CSMD3: variants seen among roughly 807,000 people sequenced by gnomAD.
The protein encoded by CSMD3 is CUB and sushi domain-containing protein 3.
CSMD3 carries 177 observed loss-of-function variants against 435.2 expected under a neutral mutation model. The observed-to-expected ratio is 0.41, with a 90% CI of 0.36 to 0.46. CSMD3 has a LOEUF of 0.46. Among genes scored for constraint, CSMD3 ranks in the 20% least tolerant of loss-of-function variants. The pLI, the probability that CSMD3 is intolerant of heterozygous loss-of-function variation, is 0.34. For synonymous variants in CSMD3, 1,656 were observed against 1,520.5 expected, an observed-to-expected ratio of 1.09 and a Z score of -2.07; for missense variants, 4,265 against 4,504.6, an observed-to-expected ratio of 0.95 and a Z score of 1.52.
chr8:112,690,449 C>T lies in CSMD3; in HGVS notation c.1973-399G>A, dbSNP rs139372868. Among the ~76,000 whole-genome samples, 85 of 152,036 alleles carry T rather than the reference C, an allele frequency of 5.6e-4. 1 individual carries two copies. Among genetic ancestry groups the T allele is most frequent in the Middle Eastern group, 6.8e-3 (2 of 294 alleles). The stretch of plus-strand genomic sequence containing the variant: ...TTATTCTTGTCATTTCTACAGGATA[C>T]GGTAAATCCCTGAATCATGACCAGG... On this transcript the variant is annotated intron_variant, in intron 13 of 70. Transcript: ENST00000297405.
intron 5 of CSMD3, among the ~76,000 whole-genome samples, chr8:113,094,606 T>C (rs2090106417): frequency 6.6e-6 from 1 of 152,216 alleles, no homozygotes; most frequent in Non-Finnish European, 1.5e-5. Context: ...TATCAAATCA[T>C]GTATTTGTAT....
chr8:113,262,328 A>C (rs1005501545), intron 3 of CSMD3, among the ~76,000 whole-genome samples: 1 of 152,090 alleles, frequency 6.6e-6, no homozygotes, highest in African/African-American at 2.4e-5. Flanking sequence ...TTAATTATAA[A>C]ATGCATCTTT....
chr8:112,296,098 T>C (rs958861996), intron 53 of CSMD3, 92 bp from the exon 54 acceptor site: 20 of 1,027,540 alleles, frequency 1.9e-5, no homozygotes, highest in African/African-American at 7.9e-5. Context: ...ACCTTTAAAG[T>C]TGTCTTAAAA....
intron 45 of CSMD3, among the ~76,000 whole-genome samples, chr8:112,321,363 T>C (rs1210696835): frequency 6.6e-6 from 1 of 152,074 alleles, no homozygotes; most frequent in Non-Finnish European, 1.5e-5. Flanking sequence ...AAAAGTATTA[T>C]GGGAGTATTG....
intron 32 of CSMD3, among the ~76,000 whole-genome samples, chr8:112,425,838 A>G (rs1813010916): frequency 2.0e-5 from 3 of 152,210 alleles, no homozygotes; most frequent in African/African-American, 4.8e-5. Context: ...AAAAATCTCA[A>G]AATAAGAAAA....
chr8:112,299,643 C>A (rs549820273), intron 53 of CSMD3, among the ~76,000 whole-genome samples: 1 of 152,114 alleles, frequency 6.6e-6, no homozygotes, highest in South Asian at 2.1e-4. Context: ...AATAAATGCA[C>A]CATACTTAGA....
intron 38 of CSMD3, among the ~76,000 whole-genome samples, chr8:112,369,676 C>T (rs1828131223): frequency 6.6e-6 from 1 of 151,894 alleles, no homozygotes; most frequent in South Asian, 2.1e-4. Context: ...AACACATGGA[C>T]ACAGGGAGGG....
chr8:112,477,870 G>A (rs1819222031), intron 31 of CSMD3, among the ~76,000 whole-genome samples: 2 of 152,116 alleles, frequency 1.3e-5, no homozygotes, highest in African/African-American at 2.4e-5. Flanking sequence ...AGCTGATATG[G>A]TTTGGCTGTG....
chr8:113,180,047 T>A (rs751279228), intron 3 of CSMD3, among the ~76,000 whole-genome samples: 1 of 151,950 alleles, frequency 6.6e-6, no homozygotes, highest in Admixed American at 6.6e-5. Flanking sequence ...AGATGAAGCA[T>A]GATCCTGCTG....
chr8:112,400,354 G>T (rs1053203469), intron 35 of CSMD3, among the ~76,000 whole-genome samples: 1 of 152,008 alleles, frequency 6.6e-6, no homozygotes, highest in Non-Finnish European at 1.5e-5. Flanking sequence ...TCTCCTAATG[G>T]CCCCACCTCC....
intron 27 of CSMD3, among the ~76,000 whole-genome samples, chr8:112,531,501 A>G (rs1299561375): frequency 1.3e-5 from 2 of 152,078 alleles, no homozygotes; most frequent in Non-Finnish European, 2.9e-5. Flanking sequence ...CAGGCAGCTG[A>G]GTATGAAGAG....
intron 4 of CSMD3, among the ~76,000 whole-genome samples, chr8:113,105,525 T>C (rs1284646465): frequency 6.6e-6 from 1 of 152,084 alleles, no homozygotes. Flanking sequence ...ATGCATGCAA[T>C]TGGATGAAAT....
intron 21 of CSMD3, 98 bp from the exon 22 acceptor site, chr8:112,637,103 C>T: frequency 1.1e-6 from 1 of 944,512 alleles, no homozygotes; most frequent in South Asian, 1.3e-5. Context: ...TTTTTAGAAC[C>T]TAGTCATATA....
intron 20 of CSMD3, among the ~76,000 whole-genome samples, chr8:112,643,199 AG>A (rs991610644): frequency 5.3e-5 from 8 of 152,132 alleles, no homozygotes; most frequent in Admixed American, 1.3e-4. Context: ...AGAGCAGAAC[AG>A]GGATAACGGC....
chr8:112,554,548 G>A (rs1827956239), intron 25 of CSMD3, among the ~76,000 whole-genome samples: 1 of 151,594 alleles, frequency 6.6e-6, no homozygotes, highest in African/African-American at 2.4e-5. Context: ...TATTCTTCTT[G>A]ATTAATTTAT....
intron 3 of CSMD3, among the ~76,000 whole-genome samples, chr8:113,184,413 G>A (rs2092468299): frequency 1.3e-5 from 2 of 151,894 alleles, no homozygotes; most frequent in South Asian, 4.1e-4. Context: ...TCCTGTCTTG[G>A]TCTTTTGGGT....
chr8:112,321,911 G>C (rs1823028787), intron 45 of CSMD3, among the ~76,000 whole-genome samples: 1 of 151,596 alleles, frequency 6.6e-6, no homozygotes, highest in African/African-American at 2.4e-5. Context: ...TAGGAATTTT[G>C]ACAATTGTTT....
At position 112,297,307 on chromosome 8, in the gene CSMD3, A is replaced by G. The variant is rs538016196; in HGVS notation, c.8441-1301T>C. Among the ~76,000 whole-genome samples the G allele has an allele frequency of 7.9e-5, 12 of 151,962 alleles. No homozygotes were observed. The South Asian group carries it at 2.5e-3, about 31-fold the overall frequency. Reference sequence around the variant, plus strand: ...GTCCTTAAATGATTATAAAGGACCAAAGTACTTCATAAACAGAGATACAAA... The same window carrying G: ...GTCCTTAAATGATTATAAAGGACCAGAGTACTTCATAAACAGAGATACAAA... On this transcript the variant is annotated intron_variant, in intron 53 of 70. Transcript: ENST00000297405.
At chr8:112,565,764 A>T (rs577958841) in intron 24 of CSMD3, among the ~76,000 whole-genome samples, 1 of 152,112 alleles carries the variant, frequency 6.6e-6, no homozygotes, top group African/African-American at 2.4e-5. Context: ...ATAAGTTGCA[A>T]TTTGGCTCTG....
Sources: allele counts gnomAD v4.1 joint callset (sites outside exome capture counted in the v4.1 genomes callset), GRCh38; gene constraint gnomAD v4.1.1; transcripts MANE v1.5; gene names NCBI Gene and HGNC (gene_info 2026-07-23, HGNC 2026-07-21).